SAMD3: variants seen among roughly 807,000 people sequenced by gnomAD.
SAMD3 encodes the protein sterile alpha motif domain containing 3.
A neutral mutation model predicts 58.5 loss-of-function variants in SAMD3; 63 were observed. The ratio of observed to expected loss-of-function variants is 1.08; its 90% CI spans 0.88 to 1.33. The LOEUF (loss-of-function observed/expected upper bound fraction) is 1.33, where lower values mean the gene tolerates loss of function less well. Among genes scored for constraint, SAMD3 ranks in the 40% most tolerant of loss-of-function variants. The probability of loss-of-function intolerance (pLI) is 0.00; values close to 1 mark genes in which losing one functional copy is unlikely to be tolerated. For synonymous variants in SAMD3, 220 were observed against 210.3 expected, an observed-to-expected ratio of 1.05 and a Z score of -0.40; for missense variants, 604 against 608.4, an observed-to-expected ratio of 0.99 and a Z score of 0.08.
At chr6:130,339,316 G>A (rs766745543) in intron 1 of SAMD3, among the ~76,000 whole-genome samples, 18 of 152,060 alleles carry the variant, frequency 1.2e-4, no homozygotes, top group African/African-American at 1.7e-4. Flanking sequence ...CAAAGTGCTG[G>A]GATTACAGGT....
At chr6:130,155,587 G>T (rs2114590806) in intron 8 of SAMD3, among the ~76,000 whole-genome samples, 1 of 152,248 alleles carries the variant, frequency 6.6e-6, no homozygotes, top group East Asian at 1.9e-4. Context: ...ACTTATTCTT[G>T]TTGAAAATCT....
At chr6:130,215,769 T>G (rs114691348) in intron 2 of SAMD3, 3 of 1,515,912 alleles carry the variant, frequency 2.0e-6, no homozygotes, top group Non-Finnish European at 2.6e-6. Flanking sequence ...CTTAGTAAAC[T>G]GGTTAACCCC....
intron 1 of SAMD3, among the ~76,000 whole-genome samples, chr6:130,348,101 C>G (rs559459002): frequency 6.6e-6 from 1 of 152,102 alleles, no homozygotes; most frequent in Non-Finnish European, 1.5e-5. Flanking sequence ...AAGGAACAAC[C>G]GGTACCAGCC....
chr6:130,266,526 T>C (rs1462774426), intron 2 of SAMD3, among the ~76,000 whole-genome samples: 1 of 152,132 alleles, frequency 6.6e-6, no homozygotes, highest in Non-Finnish European at 1.5e-5. Flanking sequence ...AGGCAAAAAC[T>C]GTACAATAGT....
chr6:130,283,941 C>A (rs1471441), intron 2 of SAMD3, among the ~76,000 whole-genome samples: 47,106 of 152,034 alleles, frequency 0.31, 7,563 homozygotes, highest in East Asian at 0.47. Flanking sequence ...TCCCAGGTTC[C>A]AGTGATTCTC....
At chr6:130,365,203 C>CA in exon 1 of SAMD3, 3 of 985,544 alleles carry the variant, frequency 3.0e-6, no homozygotes, top group Non-Finnish European at 3.6e-6. Flanking sequence ...GGCCAGTCTC[C>CA]ACTCACTGGA....
chr6:130,360,841 T>TGC (rs1777966128), intron 1 of SAMD3, among the ~76,000 whole-genome samples: 13 of 152,340 alleles, frequency 8.5e-5, no homozygotes, highest in Non-Finnish European at 1.3e-4. Flanking sequence ...CTCAGGGGCA[T>TGC]ATTCTCTTTC....
intron 1 of SAMD3, among the ~76,000 whole-genome samples, chr6:130,314,109 A>G (rs1376357132): frequency 2.6e-5 from 4 of 152,168 alleles, no homozygotes; most frequent in African/African-American, 7.2e-5. Flanking sequence ...TTTGGATGAG[A>G]GGGAAGGTGG....
chr6:130,322,220 G>A (rs560613978), intron 1 of SAMD3, among the ~76,000 whole-genome samples: 1 of 152,166 alleles, frequency 6.6e-6, no homozygotes, highest in Non-Finnish European at 1.5e-5. Flanking sequence ...GGCGGAATCT[G>A]GTTCTTGGTT....
intron 5 of SAMD3, among the ~76,000 whole-genome samples, chr6:130,185,657 G>A (rs1291703417): frequency 7.0e-6 from 1 of 143,848 alleles, no homozygotes; most frequent in African/African-American, 2.6e-5. Flanking sequence ...TTTAGACAGA[G>A]TCTTGCTCTG....
intron 2 of SAMD3, among the ~76,000 whole-genome samples, chr6:130,286,770 G>A (rs1357159495): frequency 3.3e-5 from 5 of 152,074 alleles, no homozygotes; most frequent in Non-Finnish European, 5.9e-5. Context: ...GGAGTGCAGC[G>A]GTAAGATCTC....
intron 2 of SAMD3, among the ~76,000 whole-genome samples, chr6:130,298,551 G>A (rs1290086751): frequency 2.0e-5 from 3 of 152,116 alleles, no homozygotes; most frequent in Non-Finnish European, 4.4e-5. Context: ...CATAACGAAA[G>A]CAGTATTAAG....
intron 1 of SAMD3, among the ~76,000 whole-genome samples, chr6:130,326,099 C>G (rs1776750521): frequency 6.6e-6 from 1 of 152,166 alleles, no homozygotes; most frequent in Non-Finnish European, 1.5e-5. Context: ...TCCAATCTAT[C>G]CCCTTATTTT....
At chr6:130,336,493 C>T (rs1274926374) in intron 1 of SAMD3, among the ~76,000 whole-genome samples, 1 of 152,146 alleles carries the variant, frequency 6.6e-6, no homozygotes, top group Non-Finnish European at 1.5e-5. Context: ...GTGGAAGTAA[C>T]ATTTTGGATA....
intron 1 of SAMD3, among the ~76,000 whole-genome samples, chr6:130,344,487 T>G (rs1777379852): frequency 6.6e-6 from 1 of 152,178 alleles, no homozygotes. Flanking sequence ...GTTAAATTCA[T>G]TCTCCTGCCT....
chr6:130,209,084 T>C (rs149779627), intron 5 of SAMD3, among the ~76,000 whole-genome samples: 289 of 152,306 alleles, frequency 1.9e-3, no homozygotes, highest in Middle Eastern at 0.01. Flanking sequence ...AAGCAAATGC[T>C]TACCTGCCTC....
At chr6:130,364,179 G>T (rs1034951049) in intron 1 of SAMD3, among the ~76,000 whole-genome samples, 1 of 151,694 alleles carries the variant, frequency 6.6e-6, no homozygotes, top group African/African-American at 2.4e-5. Context: ...CTTCTTTTTT[G>T]GTAAATCACT....
At chr6:130,199,190 G>A (rs1007163717) in intron 5 of SAMD3, among the ~76,000 whole-genome samples, 3 of 152,142 alleles carry the variant, frequency 2.0e-5, no homozygotes. Context: ...TCCCACCATT[G>A]GGAGAGAAAG....
At chr6:130,319,158 T>G (rs1303003848) in intron 1 of SAMD3, among the ~76,000 whole-genome samples, 1 of 152,060 alleles carries the variant, frequency 6.6e-6, no homozygotes, top group East Asian at 1.9e-4. Flanking sequence ...TGAGGCAACT[T>G]CAAGCAAACT....
Sources: gnomAD v4.1 joint callset for allele counts (sites outside exome capture counted in the v4.1 genomes callset) on GRCh38, gnomAD v4.1.1 for gene constraint, MANE v1.5 for transcripts, NCBI Gene and HGNC (gene_info 2026-07-23, HGNC 2026-07-21) for gene names.